GMDS: variants seen among roughly 807,000 people sequenced by gnomAD.
The protein encoded by GMDS is GDP-mannose 4,6 dehydratase.
Under a neutral mutation model 49.9 loss-of-function variants are expected in GMDS, and 20 were observed. The ratio of observed to expected loss-of-function variants is 0.40; its 90% confidence interval spans 0.28 to 0.58. The LOEUF (loss-of-function observed/expected upper bound fraction) is 0.58. Among genes scored for constraint, GMDS ranks in the 20% least tolerant of loss-of-function variants. The pLI is 0.42. For synonymous variants in GMDS, 177 were observed against 178.6 expected (o/e 0.99, Z 0.07); for missense variants, 362 against 481.4 (o/e 0.75, Z 2.32).
intron 7 of GMDS, among the ~76,000 whole-genome samples, chr6:1,913,274 G>A (rs186092620): frequency 0.051 from 7,726 of 150,444 alleles, 223 homozygotes; most frequent in East Asian, 0.15. Flanking sequence ...CCAGCTACTC[G>A]GGAGGCTGAG....
chr6:1,959,949 A>G lies in GMDS; in HGVS notation c.561T>C (p.Tyr187=), dbSNP rs34816229. The G allele has an allele frequency of 1.7e-4, 265 of 1,605,548 alleles. 2 individuals carry two copies. The highest frequency in any genetic ancestry group is 9.9e-4 in the Middle Eastern group (6 of 6,058). Reference sequence around the variant, plus strand: ...CCTCACGGAAGTTCACCACAATCCAATAGGCATAGAGTTTTGCTGCCCCTG... The same window carrying G: ...CCTCACGGAAGTTCACCACAATCCAGTAGGCATAGAGTTTTGCTGCCCCTG... ...SPYGAAKLYA[Y]WIVVNFREAY... The change falls in exon 6 of 11, where the codon TAT becomes TAC. Residue 187 remains tyrosine (Y), a synonymous_variant. Coordinates refer to ENST00000380815, the MANE Select transcript of GMDS (RefSeq NM_001500.4).
At chr6:1,824,695 G>A (rs921162180) in intron 7 of GMDS, among the ~76,000 whole-genome samples, 1 of 152,124 alleles carries the variant, frequency 6.6e-6, no homozygotes, top group African/African-American at 2.4e-5. Context: ...TCCACACCTA[G>A]GGCCTCCTTT....
intron 4 of GMDS, among the ~76,000 whole-genome samples, chr6:2,003,619 T>TG (rs1766973435): frequency 6.6e-6 from 1 of 152,198 alleles, no homozygotes; most frequent in Admixed American, 6.5e-5. Context: ...CCTACCAATT[T>TG]CCTTAATCAT....
chr6:2,008,893 G>A (rs1347569418), intron 4 of GMDS, among the ~76,000 whole-genome samples: 1 of 152,120 alleles, frequency 6.6e-6, no homozygotes, highest in East Asian at 1.9e-4. Context: ...TTAAGTTTCA[G>A]CTTTCTCTCT....
intron 1 of GMDS, among the ~76,000 whole-genome samples, chr6:2,198,807 G>A (rs1424253847): frequency 3.3e-5 from 5 of 152,206 alleles, no homozygotes; most frequent in African/African-American, 1.2e-4. Context: ...GGTAGCAATT[G>A]TGGATCCTAA....
Position 2,245,602 on chromosome 6 carries a change from G to A in GMDS, c.-180C>T, listed in dbSNP as rs1781836433. Reference sequence around the variant, plus strand: ...CAGGGGCGCACGGGAGGCCGTGCAGGGAGGGCCGGGGGCGGGCCGAGCCGG... The same window carrying A: ...CAGGGGCGCACGGGAGGCCGTGCAGAGAGGGCCGGGGGCGGGCCGAGCCGG... On this transcript the variant is annotated 5_prime_UTR_variant, in exon 1 of 11. Transcript: ENST00000380815. The A allele has an allele frequency of 8.1e-6, 3 of 372,316 alleles. No individual in the cohort carries two copies. The highest frequency in any genetic ancestry group is 4.7e-5 in the Admixed American group (1 of 21,146). The allele number at this position is 372,316 out of a possible 1,614,324, so 23.1% of individuals were successfully genotyped here.
Position 1,952,416 on chromosome 6 carries a change from C to T in GMDS, c.643+7451G>A, listed in dbSNP as rs112136859. On this transcript the variant is annotated intron_variant, in intron 6 of 10. Transcript: ENST00000380815. Reference sequence around the variant, plus strand: ...TGGAGTATTAAATCACTATGTCAAACGCAACACGAAGAGCTAATGAGCGTG... The same window carrying T: ...TGGAGTATTAAATCACTATGTCAAATGCAACACGAAGAGCTAATGAGCGTG... 5.4e-3 allele frequency among the ~76,000 whole-genome samples: 827 copies of T among 152,124 alleles called. 4 individuals carry two copies. Among genetic ancestry groups the T allele is most frequent in the Non-Finnish European group, 8.4e-3 (570 of 68,004 alleles).
chr6:1,920,748 GA>G (rs1761675620), intron 7 of GMDS, among the ~76,000 whole-genome samples: 1 of 152,202 alleles, frequency 6.6e-6, no homozygotes, highest in African/African-American at 2.4e-5. Flanking sequence ...AGACGTCAGT[GA>G]AAGAAGAGAC....
chr6:1,858,719 C>T (rs1052230970), intron 7 of GMDS, among the ~76,000 whole-genome samples: 1 of 151,816 alleles, frequency 6.6e-6, no homozygotes, highest in African/African-American at 2.4e-5. Context: ...TTCTCTCTGG[C>T]AAGTTTAAAG....
chr6:1,839,787 G>C (rs1046784604), intron 7 of GMDS, among the ~76,000 whole-genome samples: 1 of 152,182 alleles, frequency 6.6e-6, no homozygotes, highest in African/African-American at 2.4e-5. Context: ...TGTGCTGCCA[G>C]TCAGGAGTCC....
At chr6:1,683,696 G>T (rs902870095) in intron 9 of GMDS, among the ~76,000 whole-genome samples, 1 of 152,146 alleles carries the variant, frequency 6.6e-6, no homozygotes, top group African/African-American at 2.4e-5. Context: ...TGTCTCACTT[G>T]TGTTTTTCCT....
intron 4 of GMDS, among the ~76,000 whole-genome samples, chr6:2,039,981 C>T (rs1769564951): frequency 6.6e-6 from 1 of 152,176 alleles, no homozygotes. Context: ...GTCACAAACA[C>T]CTGCGTAACA....
intron 7 of GMDS, among the ~76,000 whole-genome samples, chr6:1,927,147 A>C (rs1762051109): frequency 1.9e-5 from 1 of 51,744 alleles, no homozygotes; most frequent in Non-Finnish European, 4.3e-5. Context: ...GTGTTGATGT[A>C]TTTTTATTCA....
intron 4 of GMDS, among the ~76,000 whole-genome samples, chr6:1,991,577 T>C (rs1403277117): frequency 6.6e-6 from 1 of 152,144 alleles, no homozygotes; most frequent in Non-Finnish European, 1.5e-5. Flanking sequence ...GAGTGTTGAC[T>C]TCTCTCTCTC....
At chr6:2,115,385 C>T (rs754166330) in intron 4 of GMDS, among the ~76,000 whole-genome samples, 9 of 152,114 alleles carry the variant, frequency 5.9e-5, no homozygotes, top group East Asian at 1.9e-4. Flanking sequence ...GTAATTTAGC[C>T]GCTACCAAAA....
intron 1 of GMDS, among the ~76,000 whole-genome samples, chr6:2,220,429 G>A (rs115974355): frequency 3.9e-4 from 59 of 152,304 alleles, no homozygotes; most frequent in African/African-American, 1.3e-3. Flanking sequence ...ATAATGGCAT[G>A]TCATATTTTT....
intron 1 of GMDS, among the ~76,000 whole-genome samples, chr6:2,214,369 AAT>A (rs1215163755): frequency 6.6e-6 from 1 of 152,174 alleles, no homozygotes; most frequent in Non-Finnish European, 1.5e-5. Context: ...GCAGATCAAA[AAT>A]ATGAGGGAAA....
intron 4 of GMDS, among the ~76,000 whole-genome samples, chr6:2,033,660 C>T (rs1267939268): frequency 1.3e-5 from 2 of 152,210 alleles, no homozygotes; most frequent in African/African-American, 4.8e-5. Context: ...ATCAGGTGTT[C>T]ACCGCCATTG....
At chr6:2,208,612 T>C (rs1489297528) in intron 1 of GMDS, among the ~76,000 whole-genome samples, 1 of 152,200 alleles carries the variant, frequency 6.6e-6, no homozygotes, top group South Asian at 2.1e-4. Context: ...AGAAACTGTC[T>C]GCATAATTAT....
Sources: allele counts gnomAD v4.1 joint callset (sites outside exome capture counted in the v4.1 genomes callset), GRCh38; gene constraint gnomAD v4.1.1; transcripts MANE v1.5; gene names NCBI Gene and HGNC (gene_info 2026-07-23, HGNC 2026-07-21).